Variants in DHTKD1 observed in about 807,000 individuals in gnomAD.
The protein encoded by DHTKD1 is dehydrogenase E1 and transketolase domain containing 1.
A neutral mutation model predicts 101.8 loss-of-function variants in DHTKD1; 78 were observed. That is an observed-to-expected ratio of 0.77 (90% CI 0.64 to 0.93). The LOEUF (loss-of-function observed/expected upper bound fraction) is 0.93. DHTKD1 is among the 40% of genes least tolerant of loss of function. The probability of loss-of-function intolerance (pLI) is 0.00; values close to 1 mark genes in which losing one functional copy is unlikely to be tolerated. For missense variants in DHTKD1, 1,223 were observed against 1,161.7 expected (o/e 1.05, Z -0.77); for synonymous variants, 462 against 450.3 (o/e 1.03, Z -0.33).
rs1832820254 is a variant in DHTKD1, at chr10:12,081,602, A to G, written c.285A>G (p.Thr95=). 1.8e-5 allele frequency: 29 copies of G among 1,613,990 alleles called. No individual in the cohort carries two copies. The highest frequency in any genetic ancestry group is 2.4e-5 in the Non-Finnish European group (28 of 1,180,034). The change falls in exon 2 of 17, where the codon ACA becomes ACG. Residue 95 remains threonine (T), a synonymous_variant. Transcript: ENST00000263035. ...NVPEIQALVQ[T]LQGPFHTAGL... is the part of the protein sequence containing the mutation. The stretch of plus-strand genomic sequence containing the variant: ...CTGAAATCCAAGCCCTGGTGCAGAC[A>G]CTGCAGGGACCCTTCCACACGGCAG...
intron 15 of DHTKD1, among the ~76,000 whole-genome samples, chr10:12,119,475 G>T (rs1833483120): frequency 6.6e-6 from 1 of 150,834 alleles, no homozygotes; most frequent in South Asian, 2.1e-4. Flanking sequence ...AATTAGCCGG[G>T]CGTGGTGGCG....
At chr10:12,084,384 C>T (rs562664263) in intron 2 of DHTKD1, among the ~76,000 whole-genome samples, 156 bp from the exon 3 acceptor site, 9 of 151,440 alleles carry the variant, frequency 5.9e-5, no homozygotes, top group East Asian at 1.9e-4. Context: ...AAAATCATTA[C>T]TGCATATAAC....
intron 1 of DHTKD1, among the ~76,000 whole-genome samples, chr10:12,070,453 G>A (rs1832635475): frequency 6.6e-6 from 1 of 152,106 alleles, no homozygotes; most frequent in Non-Finnish European, 1.5e-5. Context: ...CTTCACTTCG[G>A]AGGGCATTTA....
chr10:12,120,421 C>T (rs1199321927), intron 16 of DHTKD1, 154 bp downstream of exon 16: 2 of 599,336 alleles, frequency 3.3e-6, no homozygotes, highest in East Asian at 3.1e-5. Flanking sequence ...GCAAGCTCCG[C>T]CCCCCGGGTT....
chr10:12,081,226 A>G (rs1201787875), intron 1 of DHTKD1, among the ~76,000 whole-genome samples: 3 of 128,944 alleles, frequency 2.3e-5, no homozygotes, highest in African/African-American at 9.1e-5. Context: ...GTGAGCCGAG[A>G]TTGTGCCACT....
chr10:12,107,847 C>G lies in DHTKD1; in HGVS notation c.2048-62C>G. 9.1e-7 allele frequency: 1 copy of G among 1,104,794 alleles called. No individual in the cohort carries two copies. The highest frequency in any genetic ancestry group is 1.4e-6 in the Non-Finnish European group (1 of 731,484). 68.4% of individuals were successfully genotyped at this position (1,104,794 alleles called of 1,614,324 possible). Reference sequence around the variant, plus strand: ...CTAACATTGATTTCCCCAGCTGAGTCGTGTCAGGCCACTTTGTCCCCGCTT... The same window carrying G: ...CTAACATTGATTTCCCCAGCTGAGTGGTGTCAGGCCACTTTGTCCCCGCTT... On this transcript the variant is annotated intron_variant, in intron 11 of 16. Transcript: ENST00000263035. This position sits in a 1 kb window ranked among gnomAD's most constrained non-coding sequence, Gnocchi z 4.1.
chr10:12,095,829 A>AAGAAAAG (rs1833062300), intron 7 of DHTKD1, among the ~76,000 whole-genome samples: 1 of 90,534 alleles, frequency 1.1e-5, no homozygotes, highest in African/African-American at 4.6e-5. Context: ...AAAAAAAAAA[A>AAGAAAAG]AAAAGAAAAG....
rs1367082296 is a variant in DHTKD1 at position 12,100,148 on chromosome 10, T to TC, written c.1672-28dup. On this transcript the variant is annotated intron_variant, in intron 8 of 16. Transcript: ENST00000263035. ...AAAAAGGAAATGGACTCTTAGACGT[T>TC]CCTTTTTTTTCTTCCTCTGAATTTT... The TC allele has an allele frequency of 1.1e-5, 15 of 1,333,632 alleles. No individual in the cohort carries two copies. The East Asian group carries it at 3.4e-4, about 30-fold the overall frequency. The allele number at this position is 1,333,632 out of a possible 1,614,324, so 82.6% of individuals were successfully genotyped here. A position where few individuals can be genotyped will look rare whatever the true frequency, so the allele number is the denominator to read the frequency against.
At position 12,081,492 on chromosome 10, in the gene DHTKD1, T is replaced by C. The variant is rs1181680061; in HGVS notation, c.175T>C (p.Leu59=). ...RPPVDHGLAR[L]VTVYCEHGHK... ...TTTAGTTGATCATGGCCTTGCCAGGTTGGTGACAGTATATTGTGAGCATGG... is the reference window on the plus strand; with the variant it reads ...TTTAGTTGATCATGGCCTTGCCAGGCTGGTGACAGTATATTGTGAGCATGG... The change falls in exon 2 of 17, where the codon TTG becomes CTG. Residue 59 remains leucine (L), a synonymous_variant. Coordinates refer to ENST00000263035, the MANE Select transcript of DHTKD1 (RefSeq NM_018706.7). 1.2e-6 allele frequency: 2 copies of C among 1,614,014 alleles called. No homozygotes were observed. Among genetic ancestry groups the C allele is most frequent in the Non-Finnish European group, 1.7e-6 (2 of 1,180,022 alleles).
intron 1 of DHTKD1, among the ~76,000 whole-genome samples, chr10:12,075,202 C>T (rs77180910): frequency 0.026 from 3,892 of 152,058 alleles, 167 homozygotes; most frequent in African/African-American, 0.089. Flanking sequence ...TTTTTTGAGA[C>T]GGAGTCTCGC....
Position 12,097,711 on chromosome 10 carries a change from T to A in DHTKD1, c.1386T>A (p.Tyr462Ter). The part of the protein sequence containing the change: ...IRARKSIPDT[Y>*]AEHLIAGGLM... ...CTCGAAAGAGCATTCCAGACACATATGCAGAGCACCTCATTGCTGGCGGAC... is the reference window on the plus strand; with the variant it reads ...CTCGAAAGAGCATTCCAGACACATAAGCAGAGCACCTCATTGCTGGCGGAC... Residue 462 changes from tyrosine (Y) to a stop codon, truncating the protein, a stop_gained, in exon 8 of 17, where the codon TAT becomes TAA. Coordinates refer to ENST00000263035, the MANE Select transcript of DHTKD1 (RefSeq NM_018706.7). LOFTEE classifies it high-confidence loss of function. The A allele has an allele frequency of 6.2e-7, 1 of 1,613,862 alleles. No homozygotes were observed. The highest frequency in any genetic ancestry group is 8.5e-7 in the Non-Finnish European group (1 of 1,179,836).
rs200098540 is a variant in DHTKD1 at position 12,118,864 on chromosome 10, C to T, written c.2518C>T (p.Pro840Ser). ...FAIIRVEELC[P>S]FPLDSLQQEM... ...CATCATCCGAGTAGAGGAACTCTGC[C>T]CCTTCCCGTTGGATTCTTTACAGCA... Residue 840 changes from proline to serine, a missense_variant, in exon 15 of 17, where the codon CCC becomes TCC. Pro to Ser is a moderately conservative substitution (Grantham distance 74). Coordinates refer to ENST00000263035, the MANE Select transcript of DHTKD1 (RefSeq NM_018706.7). 2 of 1,607,336 alleles carry T rather than the reference C, an allele frequency of 1.2e-6. No homozygotes were observed. Among genetic ancestry groups the T allele is most frequent in the African/African-American group, 1.3e-5 (1 of 74,670 alleles).
chr10:12,079,437 A>C (rs1272461702), intron 1 of DHTKD1, among the ~76,000 whole-genome samples: 1 of 152,262 alleles, frequency 6.6e-6, no homozygotes, highest in Admixed American at 6.5e-5. Flanking sequence ...TGGGAGGCCG[A>C]GGCAGGTGGA....
intron 10 of DHTKD1, among the ~76,000 whole-genome samples, chr10:12,101,633 T>G (rs1287313984): frequency 6.6e-6 from 1 of 152,208 alleles, no homozygotes; most frequent in Non-Finnish European, 1.5e-5. Flanking sequence ...AGACTTAATC[T>G]TGCTCTGTTG....
chr10:12,086,499 A>G (rs1022649776), intron 3 of DHTKD1, among the ~76,000 whole-genome samples: 1 of 151,070 alleles, frequency 6.6e-6, no homozygotes, highest in East Asian at 2.0e-4. Flanking sequence ...GATTACAGGC[A>G]TGAGCCACCG....
chr10:12,110,071 G>A lies in DHTKD1; in HGVS notation c.2154+2056G>A, dbSNP rs1385692541. Among the ~76,000 whole-genome samples the A allele has an allele frequency of 6.6e-5, 10 of 152,164 alleles. No individual in the cohort carries two copies. On this transcript the variant is annotated intron_variant, in intron 12 of 16. Coordinates refer to ENST00000263035, the MANE Select transcript of DHTKD1 (RefSeq NM_018706.7). This position sits in a 1 kb window ranked among gnomAD's most constrained non-coding sequence, Gnocchi z 4.9. ...CCCAGCACTTTGGGAGGCCGAGGCGGGCGGATCATGAGGTCAGGAGATGAA... is the reference window on the plus strand; with the variant it reads ...CCCAGCACTTTGGGAGGCCGAGGCGAGCGGATCATGAGGTCAGGAGATGAA...
chr10:12,108,438 C>T (rs1011598535), intron 12 of DHTKD1, among the ~76,000 whole-genome samples: 1 of 152,086 alleles, frequency 6.6e-6, no homozygotes, highest in Non-Finnish European at 1.5e-5. Context: ...GCCACCATGC[C>T]TGGCTAATTT....
chr10:12,091,411 C>CAAAAAGAAAAA (rs1832987596), intron 5 of DHTKD1, 102 bp from the exon 6 acceptor site: 1 of 174,910 alleles, frequency 5.7e-6, no homozygotes, highest in Non-Finnish European at 9.3e-6. Context: ...GACTCTGTCT[C>CAAAAAGAAAAA]AAAAAAAAAA....
chr10:12,108,168 G>A (rs914843367), intron 12 of DHTKD1, among the ~76,000 whole-genome samples, 153 bp downstream of exon 12: 4 of 152,294 alleles, frequency 2.6e-5, no homozygotes, highest in East Asian at 1.9e-4. Flanking sequence ...CTTTGGAAAC[G>A]TAATGCCTCA....
Sources: allele counts gnomAD v4.1 joint callset (sites outside exome capture counted in the v4.1 genomes callset), GRCh38; gene constraint gnomAD v4.1.1; non-coding constraint Gnocchi (gnomAD v3.1); transcripts MANE v1.5; gene names NCBI Gene and HGNC (gene_info 2026-07-23, HGNC 2026-07-21).